ZNF48: variants seen among roughly 807,000 people sequenced by gnomAD.
The protein encoded by ZNF48 is zinc finger protein 48.
In ZNF48, 20 loss-of-function variants were observed where a neutral mutation model predicts 40.0. The ratio of observed to expected loss-of-function variants is 0.50; its 90% confidence interval spans 0.35 to 0.73. The LOEUF (loss-of-function observed/expected upper bound fraction) is 0.73, where lower values mean the gene tolerates loss of function less well. ZNF48 is among the 30% of genes least tolerant of loss of function. The pLI, the probability that ZNF48 is intolerant of heterozygous loss-of-function variation, is 0.01. For missense variants in ZNF48, 726 were observed against 851.9 expected (o/e 0.85, Z 1.84); for synonymous variants, 298 against 329.7 (o/e 0.90, Z 1.04).
chr16:30,389,901 AT>A (rs1006419009), intron 1 of ZNF48, among the ~76,000 whole-genome samples: 1 of 122,442 alleles, frequency 8.2e-6, no homozygotes, highest in African/African-American at 3.0e-5. Context: ...TAGTAGTGCG[AT>A]CATAGGTTAT....
In ZNF48 at chr16:30,382,014, C is replaced by A; in HGVS notation, c.-16+3604C>A. ...TCTCAGAAAAAAAGCAGTCAACTAC[C>A]TGAGTCCCCAGATGGAAAAGACTAG... On this transcript the variant is annotated intron_variant, in intron 1 of 2. Transcript: ENST00000528032. This position sits in a 1 kb window ranked among gnomAD's most constrained non-coding sequence, Gnocchi z 4.8. The A allele has an allele frequency of 6.2e-7, 1 of 1,600,414 alleles. No individual in the cohort carries two copies. Among genetic ancestry groups the A allele is most frequent in the Non-Finnish European group, 8.5e-7 (1 of 1,169,810 alleles).
intron 1 of ZNF48, chr16:30,379,884 G>C: frequency 9.8e-7 from 1 of 1,022,292 alleles, no homozygotes. Flanking sequence ...TGGGATTACA[G>C]ACGTGAGCCA....
upstream of ZNF48, among the ~76,000 whole-genome samples, chr16:30,390,601 G>T (rs1205467358): frequency 4.5e-3 from 241 of 53,368 alleles, 2 homozygotes; most frequent in Non-Finnish European, 7.0e-3. Context: ...GTAGAGACGG[G>T]TTTTTTTTTT....
At chr16:30,385,484 A>T (rs4788410) in intron 1 of ZNF48, among the ~76,000 whole-genome samples, 1 of 151,350 alleles carries the variant, frequency 6.6e-6, no homozygotes, top group Admixed American at 6.6e-5. Context: ...AATTAGTTGG[A>T]TGTGGTGGCG....
At chr16:30,383,272 T>C (rs2049873658) in intron 1 of ZNF48, among the ~76,000 whole-genome samples, 1 of 152,010 alleles carries the variant, frequency 6.6e-6, no homozygotes, top group Non-Finnish European at 1.5e-5. Flanking sequence ...CACTGCAAGC[T>C]CCACCTCCCG....
At chr16:30,379,529 G>C in intron 1 of ZNF48, 1 of 1,613,266 alleles carries the variant, frequency 6.2e-7, no homozygotes, top group Non-Finnish European at 8.5e-7. Context: ...CAAAAGGGAT[G>C]CTTTCCTGGA....
intron 1 of ZNF48, among the ~76,000 whole-genome samples, chr16:30,383,391 G>A (rs1167588751): frequency 2.0e-5 from 3 of 152,060 alleles, no homozygotes; most frequent in Non-Finnish European, 4.4e-5. Context: ...AGATTTCACC[G>A]TGTTAGCCAG....
rs4788409 is a variant in ZNF48 at position 30,382,450 on chromosome 16, G to A, written c.-16+4040G>A. The A allele has an allele frequency of 0.67, 1,056,561 of 1,565,482 alleles. 359,538 individuals are homozygous for A. The highest frequency in any genetic ancestry group is 0.9 in the East Asian group (39,759 of 44,290). The stretch of plus-strand genomic sequence containing the variant: ...CACTTGAGTTCCTGGGCTAGGAAGA[G>A]TCAGTGGGGTCTGGGGACCCCAGGC... On this transcript the variant is annotated intron_variant, in intron 1 of 2. Transcript: ENST00000528032. This position sits in a 1 kb window ranked among gnomAD's most constrained non-coding sequence, Gnocchi z 4.8.
intron 1 of ZNF48, chr16:30,380,069 G>A (rs1461381100): frequency 1.3e-6 from 2 of 1,557,022 alleles, no homozygotes; most frequent in Non-Finnish European, 1.7e-6. Flanking sequence ...GTGTGAAACG[G>A]GCCACAATGA....
chr16:30,383,576 C>T lies in ZNF48; in HGVS notation c.-16+5166C>T, dbSNP rs149993581. 4.6e-3 allele frequency among the ~76,000 whole-genome samples: 705 copies of T among 152,298 alleles called. 3 individuals are homozygous for T. The highest frequency in any genetic ancestry group is 0.01 in the Admixed American group (158 of 15,288). On this transcript the variant is annotated intron_variant, in intron 1 of 2. Coordinates refer to the ZNF48 transcript ENST00000528032. ...GGGTGAAGCCATACATTTTCCAGCT[C>T]AGACAATGGATTCATAAAAGGACTC... is the stretch of plus-strand genomic sequence containing the variant.
At position 30,398,791 on chromosome 16, in the gene ZNF48, T is replaced by A. The variant is rs1293707739; in HGVS notation, c.1541T>A (p.Leu514Gln). 2 of 1,613,660 alleles carry A rather than the reference T, an allele frequency of 1.2e-6. No individual in the cohort carries two copies. The highest frequency in any genetic ancestry group is 1.7e-6 in the Non-Finnish European group (2 of 1,180,022). ...ERARPPPPST[L>Q]LRPHNPPGPV... ...GCCCGGCCACCACCACCATCCACTC[T>A]GCTGCGGCCACATAACCCACCTGGC... is the stretch of plus-strand genomic sequence containing the variant. Residue 514 changes from leucine (L) to glutamine (Q), a missense_variant, in exon 3 of 3, where the codon CTG becomes CAG. Physicochemically the swap from Leu to Gln is moderately radical, Grantham distance 113. This residue lies in a region of ZNF48 where 166 missense variants were observed against 163.6 expected (regional missense o/e 1.01). Transcript: ENST00000613509. This position sits in a 1 kb window ranked among gnomAD's most constrained non-coding sequence, Gnocchi z 6.6.
rs1291978554 is a variant in ZNF48 at position 30,381,078 on chromosome 16, T to A, written c.-16+2668T>A. ...AAGATCAAAGAAGTCTAAGCTGAAA[T>A]CAGGTTTGGCTTCACATGGGGTCAA... On this transcript the variant is annotated intron_variant, in intron 1 of 2. Transcript: ENST00000528032. The surrounding 1 kb of genome is among the most constrained non-coding windows in gnomAD (Gnocchi z 4.3). 1 of 1,405,572 alleles carries A rather than the reference T, an allele frequency of 7.1e-7. No individual in the cohort carries two copies. The highest frequency in any genetic ancestry group is 1.0e-6 in the Non-Finnish European group (1 of 989,566). 87.1% of individuals were successfully genotyped at this position (1,405,572 alleles called of 1,614,324 possible).
chr16:30,386,072 T>G (rs1185510827), intron 1 of ZNF48, among the ~76,000 whole-genome samples: 9 of 151,876 alleles, frequency 5.9e-5, no homozygotes, highest in African/African-American at 2.2e-4. Flanking sequence ...GGCCAGGAGT[T>G]TGAGACCAGC....
chr16:30,390,761 C>T (rs1038995371), upstream of ZNF48, among the ~76,000 whole-genome samples: 6 of 151,862 alleles, frequency 4.0e-5, no homozygotes, highest in Non-Finnish European at 5.9e-5. Flanking sequence ...GCTGGGACTA[C>T]AGGCGCCCGC....
rs2050029057 is a variant in ZNF48, at chr16:30,399,290, G to A, written c.*183G>A. ...CTCAGGAAACTGTCCTGGCTGGGCT[G>A]AGTCAGGACCTTGCCAGGACGGGCT... On this transcript the variant is annotated 3_prime_UTR_variant, in exon 3 of 3. Coordinates refer to ENST00000613509, the MANE Select transcript of ZNF48 (RefSeq NM_001214909.2). The A allele has an allele frequency of 1.6e-6, 1 of 640,792 alleles. No individual in the cohort carries two copies. Among genetic ancestry groups the A allele is most frequent in the Non-Finnish European group, 2.5e-6 (1 of 392,240 alleles). 39.7% of individuals were successfully genotyped at this position (640,792 alleles called of 1,614,324 possible). A position where few individuals can be genotyped will look rare whatever the true frequency, so the allele number is the denominator to read the frequency against.
At chr16:30,378,459 T>C in intron 1 of ZNF48, 1 of 1,574,256 alleles carries the variant, frequency 6.4e-7, no homozygotes. Flanking sequence ...CTGCTCGCCC[T>C]GGGCCTGGCT....
At chr16:30,395,348 G>A (rs1194784532), upstream of ZNF48, 1 of 452,246 alleles carries the variant, frequency 2.2e-6, no homozygotes, top group Non-Finnish European at 4.4e-6. The surrounding 1 kb of genome is among the most constrained non-coding windows in gnomAD (Gnocchi z 5.9). Flanking sequence ...CGACGCGGGC[G>A]ACCCCCACAG....
Position 30,382,200 on chromosome 16 carries a change from A to G in ZNF48, c.-16+3790A>G. The G allele has an allele frequency of 1.9e-6, 3 of 1,612,850 alleles. No homozygotes were observed. Among genetic ancestry groups the G allele is most frequent in the South Asian group, 1.1e-5 (1 of 90,956 alleles). ...CTCCCCTGTGGACAGAACAGGCCCA[A>G]CTGGTCAGGGGAGGGGACAGCCAGG... On this transcript the variant is annotated intron_variant, in intron 1 of 2. Coordinates refer to the ZNF48 transcript ENST00000528032. The surrounding 1 kb of genome is among the most constrained non-coding windows in gnomAD (Gnocchi z 4.8).
rs763680818 is a variant in ZNF48, at chr16:30,398,796, C to T, written c.1546C>T (p.Arg516Trp). Residue 516 changes from arginine (R) to tryptophan (W), a missense_variant, in exon 3 of 3, where the codon CGG becomes TGG. Arg to Trp is a moderately radical substitution (Grantham distance 101, BLOSUM62 -3). Around this residue, in one of 5 missense-constraint regions of ZNF48, gnomAD observed 166 missense variants for 163.6 expected, o/e 1.01. Transcript: ENST00000613509. This position sits in a 1 kb window ranked among gnomAD's most constrained non-coding sequence, Gnocchi z 6.6. ...ARPPPPSTLL[R>W]PHNPPGPVPM... ...GCCACCACCACCATCCACTCTGCTG[C>T]GGCCACATAACCCACCTGGCCCAGT... is the stretch of plus-strand genomic sequence containing the variant. 1.6e-5 allele frequency: 26 copies of T among 1,613,716 alleles called. No homozygotes were observed. Among genetic ancestry groups the T allele is most frequent in the Admixed American group, 5.0e-5 (3 of 60,022 alleles).
Sources: allele counts gnomAD v4.1 joint callset (sites outside exome capture counted in the v4.1 genomes callset), GRCh38; gene constraint gnomAD v4.1.1; regional missense constraint gnomAD v4.1.1; non-coding constraint Gnocchi (gnomAD v3.1); transcripts MANE v1.5; gene names NCBI Gene and HGNC (gene_info 2026-07-23, HGNC 2026-07-21).